ALMS1: variants seen among roughly 807,000 people sequenced by gnomAD.
The protein encoded by ALMS1 is ALMS1 centrosome and basal body associated protein.
In ALMS1, 271 loss-of-function variants were observed where a neutral mutation model predicts 352.2. The ratio of observed to expected loss-of-function variants is 0.77; its 90% CI spans 0.70 to 0.85. ALMS1 has a LOEUF of 0.85. ALMS1 is among the 40% of genes least tolerant of loss of function. The pLI is 0.00. For missense variants in ALMS1, 5,445 were observed against 4,870.7 expected, an observed-to-expected ratio of 1.12 and a Z score of -3.51; for synonymous variants, 1,865 against 1,761.2, an observed-to-expected ratio of 1.06 and a Z score of -1.48.
At chr2:73,500,912 C>G (rs1328490971) in intron 10 of ALMS1, among the ~76,000 whole-genome samples, 1 of 152,114 alleles carries the variant, frequency 6.6e-6, no homozygotes, top group Admixed American at 6.5e-5. Flanking sequence ...GATACGCTAA[C>G]CTGGAACTGG....
At chr2:73,604,344 G>A (rs1675768536) in intron 21 of ALMS1, among the ~76,000 whole-genome samples, 1 of 152,152 alleles carries the variant, frequency 6.6e-6, no homozygotes, top group African/African-American at 2.4e-5. Flanking sequence ...ACTGCAGTGA[G>A]CTGTGATCAC....
intron 5 of ALMS1, 128 bp downstream of exon 5, chr2:73,425,030 C>T: frequency 2.8e-6 from 2 of 709,174 alleles, no homozygotes; most frequent in South Asian, 4.5e-5. Context: ...CTTTGCACCA[C>T]CCAGAAACGT....
rs61360284 is a variant in ALMS1, at chr2:73,402,270, CTTTTTTTTT to C, written c.325-6339_325-6331del. Among the ~76,000 whole-genome samples, 108 of 122,812 alleles carry C rather than the reference CTTTTTTTTT, an allele frequency of 8.8e-4. 1 individual carries two copies. The highest frequency in any genetic ancestry group is 3.2e-3 in the African/African-American group (102 of 32,364). 80.6% of individuals were successfully genotyped at this position (122,812 alleles called of 152,430 possible). On this transcript the variant is annotated intron_variant, in intron 1 of 22. Transcript: ENST00000613296. ...CTTTCTTTTCTTTCTTTCTCTCTCT[CTTTTTTTTT>C]TTTTTTTTTTTTAAGACAGAATCTC...
intron 12 of ALMS1, among the ~76,000 whole-genome samples, chr2:73,540,430 G>C (rs1674147067): frequency 6.6e-6 from 1 of 152,154 alleles, no homozygotes; most frequent in East Asian, 1.9e-4. Flanking sequence ...AAATTGTAAA[G>C]ACCATTGAGG....
chr2:73,417,442 G>A (rs759001046), intron 2 of ALMS1, among the ~76,000 whole-genome samples: 16 of 152,124 alleles, frequency 1.1e-4, no homozygotes, highest in East Asian at 1.9e-4. Context: ...AAGAAAATGA[G>A]GGCATTCTAA....
Position 73,408,586 on chromosome 2 carries a change from G to A in ALMS1, c.325-36G>A, listed in dbSNP as rs763108061. The A allele has an allele frequency of 1.8e-5, 29 of 1,603,668 alleles. No homozygotes were observed. In the South Asian group the frequency reaches 3.1e-4, roughly 17 times the overall value. On this transcript the variant is annotated intron_variant, in intron 1 of 22. Transcript: ENST00000613296. ...TTTGTTGTATAATCATAGTGATTGT[G>A]TTATTACTCTATTTAAGCCTGCTTT...
chr2:73,554,549 CAA>C (rs76740260), intron 13 of ALMS1, among the ~76,000 whole-genome samples: 8 of 134,882 alleles, frequency 5.9e-5, no homozygotes, highest in Non-Finnish European at 4.9e-5. Flanking sequence ...ACTAAAAATA[CAA>C]AAAAAAAAAA....
At position 73,460,795 on chromosome 2, in the gene ALMS1, C is replaced by T. The variant is rs528279301; in HGVS notation, c.7674+5500C>T. Among the ~76,000 whole-genome samples the T allele has an allele frequency of 5.3e-5, 8 of 152,228 alleles. No individual in the cohort carries two copies. In the East Asian group the frequency reaches 9.6e-4, roughly 18 times the overall value. On this transcript the variant is annotated intron_variant, in intron 9 of 22. Transcript: ENST00000613296. The stretch of plus-strand genomic sequence containing the variant: ...AACGGCACACCAGGAGATTATATCC[C>T]GCACATGGCTCGGAGGGTCCTACGC...
chr2:73,520,867 A>T (rs1301872553), intron 11 of ALMS1, among the ~76,000 whole-genome samples: 2 of 152,200 alleles, frequency 1.3e-5, no homozygotes, highest in Admixed American at 6.5e-5. Flanking sequence ...TAGCAGGAAA[A>T]TTAACAATTA....
At chr2:73,486,162 A>T (rs531484939) in intron 9 of ALMS1, among the ~76,000 whole-genome samples, 1 of 151,962 alleles carries the variant, frequency 6.6e-6, no homozygotes, top group Admixed American at 6.6e-5. Context: ...TGAATTGTAT[A>T]TATATGTTAG....
chr2:73,585,794 T>C (rs1418620851), intron 16 of ALMS1, among the ~76,000 whole-genome samples: 1 of 139,836 alleles, frequency 7.2e-6, no homozygotes, highest in Non-Finnish European at 1.5e-5. Flanking sequence ...AATGGCACAA[T>C]CTCCACTCAC....
intron 13 of ALMS1, 140 bp from the exon 14 acceptor site, chr2:73,557,080 C>T: frequency 1.8e-6 from 2 of 1,113,396 alleles, no homozygotes; most frequent in Admixed American, 2.0e-5. Context: ...ACAGTTTTTA[C>T]ACAGGTGGAG....
intron 1 of ALMS1, among the ~76,000 whole-genome samples, chr2:73,394,756 G>T (rs1006607927): frequency 6.6e-6 from 1 of 152,008 alleles, no homozygotes; most frequent in Non-Finnish European, 1.5e-5. Flanking sequence ...TCATTGTTGT[G>T]CAAACATCAT....
At chr2:73,441,142 T>C (rs1394314206) in intron 7 of ALMS1, among the ~76,000 whole-genome samples, 2 of 152,242 alleles carry the variant, frequency 1.3e-5, no homozygotes, top group African/African-American at 2.4e-5. Flanking sequence ...TTGATTCTTG[T>C]TGATGGCATT....
Position 73,573,275 on chromosome 2 carries a change from T to C in ALMS1, c.11398T>C (p.Cys3800Arg). The change falls in exon 16 of 23, where the codon TGC becomes CGC. Residue 3800 changes from cysteine to arginine, a missense_variant. By Grantham distance (180) the Cys-to-Arg change is radical. Coordinates refer to ENST00000613296, the MANE Select transcript of ALMS1 (RefSeq NM_001378454.1). ...LIQAFGHERV[C>R]LSPRRIKLYS... The stretch of plus-strand genomic sequence containing the variant: ...TCAAGCTTTTGGCCATGAAAGAGTA[T>C]GCTTGTCACCCAGACGAATTAAATT... The C allele has an allele frequency of 1.2e-6, 2 of 1,614,100 alleles. No individual in the cohort carries two copies. The highest frequency in any genetic ancestry group is 4.5e-5 in the East Asian group (2 of 44,878).
intron 10 of ALMS1, among the ~76,000 whole-genome samples, chr2:73,508,570 A>AT (rs1379706385): frequency 1.3e-5 from 2 of 151,840 alleles, no homozygotes; most frequent in Non-Finnish European, 2.9e-5. Context: ...GTTTGTTATG[A>AT]TTTTCATTCT....
At chr2:73,500,397 G>A (rs900140097) in intron 10 of ALMS1, among the ~76,000 whole-genome samples, 4 of 152,118 alleles carry the variant, frequency 2.6e-5, no homozygotes, top group African/African-American at 7.2e-5. Context: ...TGACTACATT[G>A]TGTCAGGGCT....
At chr2:73,466,700 A>ATGGGAAATTTGTGATG (rs1327499457) in intron 9 of ALMS1, among the ~76,000 whole-genome samples, 2 of 152,148 alleles carry the variant, frequency 1.3e-5, no homozygotes, top group Non-Finnish European at 2.9e-5. Context: ...ATAATCTAAT[A>ATGGGAAATTTGTGATG]TGGGAAATTT....
chr2:73,410,206 T>C (rs1390358916), intron 2 of ALMS1, among the ~76,000 whole-genome samples: 2 of 152,054 alleles, frequency 1.3e-5, no homozygotes, highest in African/African-American at 2.4e-5. Flanking sequence ...CTGGCCAACA[T>C]AGTGAAACAC....
Sources: gnomAD v4.1 joint callset for allele counts (sites outside exome capture counted in the v4.1 genomes callset) on GRCh38, gnomAD v4.1.1 for gene constraint, MANE v1.5 for transcripts, NCBI Gene and HGNC (gene_info 2026-07-23, HGNC 2026-07-21) for gene names.